SLC35E3: variants seen among roughly 807,000 people sequenced by gnomAD.
The protein encoded by SLC35E3 is bladder cancer-overexpressed gene 1 protein.
In SLC35E3, 28 loss-of-function variants were observed where a neutral mutation model predicts 30.8. The observed-to-expected ratio is 0.91, with a 90% CI of 0.67 to 1.25. The LOEUF is 1.25. Among genes scored for constraint, SLC35E3 ranks in the 50% most tolerant of loss-of-function variants. The pLI is 0.00. For synonymous variants in SLC35E3, 146 were observed against 149.2 expected (o/e 0.98, Z 0.16); for missense variants, 365 against 375.4 (o/e 0.97, Z 0.23).
At position 68,746,420 on chromosome 12, in the gene SLC35E3, G is replaced by A; in HGVS notation, c.43G>A (p.Ala15Thr). The change falls in exon 1 of 5, where the codon GCC (alanine) becomes ACC (threonine). Residue 15 changes from alanine (A) to threonine (T), a missense_variant. By Grantham distance (58) the Ala-to-Thr change is moderately conservative (BLOSUM62 0). Coordinates refer to ENST00000398004, the MANE Select transcript of SLC35E3 (RefSeq NM_018656.5). ...CCGAGTGCGGGGCCACTGGCGAATC[G>A]CCGCCGGGCTCCTGTTCAACCTGCT... Reference protein sequence around the residue: ...VDRVRGHWRIAAGLLFNLLVS... With the variant: ...VDRVRGHWRITAGLLFNLLVS... The A allele has an allele frequency of 6.2e-7, 1 of 1,610,156 alleles. No individual in the cohort carries two copies. The highest frequency in any genetic ancestry group is 8.5e-7 in the Non-Finnish European group (1 of 1,177,664).
intron 3 of SLC35E3, among the ~76,000 whole-genome samples, chr12:68,758,715 C>T (rs1348405225): frequency 6.7e-6 from 1 of 148,592 alleles, no homozygotes; most frequent in African/African-American, 2.5e-5. Context: ...GTCTCCCAAC[C>T]CCAAATTCTC....
In SLC35E3 at chr12:68,766,967, A is replaced by T. The variant is rs1879446292; in HGVS notation, c.*2077A>T. ...TCCATGGAGCTTTCTGTGGTACTGA[A>T]ACACTTGGAGTGAACTGCAAACTTG... On this transcript the variant is annotated 3_prime_UTR_variant, in exon 5 of 5. Transcript: ENST00000398004. The T allele has an allele frequency of 4.2e-6, 1 of 236,270 alleles. No homozygotes were observed. Among genetic ancestry groups the T allele is most frequent in the Non-Finnish European group, 9.0e-6 (1 of 110,860 alleles). 14.6% of individuals were successfully genotyped at this position (236,270 alleles called of 1,614,324 possible).
chr12:68,749,004 G>A (rs1268142190), intron 2 of SLC35E3, among the ~76,000 whole-genome samples: 1 of 152,196 alleles, frequency 6.6e-6, no homozygotes, highest in Non-Finnish European at 1.5e-5. Context: ...TTAAATAAAA[G>A]AAGAGGCTAG....
In SLC35E3 at chr12:68,777,457, A is replaced by G. The variant is rs1879774755; in HGVS notation, c.*12567A>G. The G allele has an allele frequency of 6.6e-6, 1 of 152,230 alleles. No homozygotes were observed. The highest frequency in any genetic ancestry group is 2.4e-5 in the African/African-American group (1 of 41,464). The allele number at this position is 152,230 out of a possible 1,614,324, so 9.4% of individuals were successfully genotyped here. A position where few individuals can be genotyped will look rare whatever the true frequency, so the allele number is the denominator to read the frequency against. On this transcript the variant is annotated 3_prime_UTR_variant, in exon 5 of 5. Transcript: ENST00000398004. ...GAAACGCAAGAGATTTTGCCAAGGA[A>G]ATGCTGACATTCCTTCTGTCCACTC...
rs1879827245 is a variant in SLC35E3 at position 68,779,418 on chromosome 12, T to C, written c.*14528T>C. On this transcript the variant is annotated 3_prime_UTR_variant, in exon 5 of 5. Coordinates refer to ENST00000398004, the MANE Select transcript of SLC35E3 (RefSeq NM_018656.5). The stretch of plus-strand genomic sequence containing the variant: ...TAGTGAGTCATTAGATTTCAAAATA[T>C]TGGTATTGAACCAGATGGTCTTGTG... 6.6e-6 allele frequency: 1 copy of C among 152,228 alleles called. No homozygotes were observed. The highest frequency in any genetic ancestry group is 1.5e-5 in the Non-Finnish European group (1 of 68,038). The allele number at this position is 152,228 out of a possible 1,614,324, so 9.4% of individuals were successfully genotyped here.
At position 68,765,310 on chromosome 12, in the gene SLC35E3, C is replaced by T. The variant is rs1879359187; in HGVS notation, c.*420C>T. On this transcript the variant is annotated 3_prime_UTR_variant, in exon 5 of 5. Coordinates refer to ENST00000398004, the MANE Select transcript of SLC35E3 (RefSeq NM_018656.5). ...TGATGGAATGATTTGTCGGAATTAA[C>T]ACAAAGCAGATTTTATTCATATAAT... is the stretch of plus-strand genomic sequence containing the variant. 1 of 151,970 alleles carries T rather than the reference C, an allele frequency of 6.6e-6. No individual in the cohort carries two copies. Among genetic ancestry groups the T allele is most frequent in the Non-Finnish European group, 1.5e-5 (1 of 68,300 alleles). 9.4% of individuals were successfully genotyped at this position (151,970 alleles called of 1,614,324 possible). A position where few individuals can be genotyped will look rare whatever the true frequency, so the allele number is the denominator to read the frequency against.
rs1168385015 is a variant in SLC35E3, at chr12:68,759,042, C to T, written c.673-115C>T. 55 of 831,532 alleles carry T rather than the reference C, an allele frequency of 6.6e-5. No homozygotes were observed. The Admixed American group carries it at 1.3e-3, about 19-fold the overall frequency. 51.5% of individuals were successfully genotyped at this position (831,532 alleles called of 1,614,324 possible). A position where few individuals can be genotyped will look rare whatever the true frequency, so the allele number is the denominator to read the frequency against. On this transcript the variant is annotated intron_variant, in intron 3 of 4. Transcript: ENST00000398004. ...CCGCGCCCGGCCCTCTCTTTCTAAT[C>T]TTATTTATTAATGGTTGATATTTGA...
chr12:68,753,273 C>T (rs1878872561), intron 3 of SLC35E3, among the ~76,000 whole-genome samples: 1 of 151,762 alleles, frequency 6.6e-6, no homozygotes, highest in East Asian at 1.9e-4. Flanking sequence ...CAGAGCAAGA[C>T]TCTGTCTCAG....
chr12:68,762,220 A>G (rs1319264129), intron 4 of SLC35E3, among the ~76,000 whole-genome samples: 1 of 152,096 alleles, frequency 6.6e-6, no homozygotes, highest in Non-Finnish European at 1.5e-5. Flanking sequence ...TGTGGTTTAA[A>G]GTGATGAGAC....
rs547097650 is a variant in SLC35E3, at chr12:68,772,740, G to A, written c.*7850G>A. 34 of 152,100 alleles carry A rather than the reference G, an allele frequency of 2.2e-4. No homozygotes were observed. Among genetic ancestry groups the A allele is most frequent in the Admixed American group, 1.8e-3 (27 of 15,268 alleles). The allele number at this position is 152,100 out of a possible 1,614,324, so 9.4% of individuals were successfully genotyped here. On this transcript the variant is annotated 3_prime_UTR_variant, in exon 5 of 5. Transcript: ENST00000398004. ...AAATATTTATTTTTTTCGGTTATCC[G>A]TAGACTTTTCCTTTTGAAATCCAAC...
chr12:68,754,080 C>T (rs1313823763), intron 3 of SLC35E3, among the ~76,000 whole-genome samples: 3 of 152,022 alleles, frequency 2.0e-5, no homozygotes, highest in African/African-American at 7.3e-5. Context: ...CTCTTGACCT[C>T]GTGACCCACC....
chr12:68,747,355 C>T (rs1226069857), intron 1 of SLC35E3, among the ~76,000 whole-genome samples: 1 of 151,968 alleles, frequency 6.6e-6, no homozygotes, highest in African/African-American at 2.4e-5. Flanking sequence ...CCGCAACCTC[C>T]GCCTCCCGGG....
At position 68,757,886 on chromosome 12, in the gene SLC35E3, G is replaced by A. The variant is rs535289964; in HGVS notation, c.673-1271G>A. 5.3e-5 allele frequency among the ~76,000 whole-genome samples: 8 copies of A among 150,874 alleles called. No individual in the cohort carries two copies. In the East Asian group the frequency reaches 6.0e-4, roughly 11 times the overall value. On this transcript the variant is annotated intron_variant, in intron 3 of 4. Coordinates refer to ENST00000398004, the MANE Select transcript of SLC35E3 (RefSeq NM_018656.5). Reference sequence around the variant, plus strand: ...GCAGATCACCTGAGGTCAGGAGTTCGAGACCAGCCTGGCCAACATGGTGAA... The same window carrying A: ...GCAGATCACCTGAGGTCAGGAGTTCAAGACCAGCCTGGCCAACATGGTGAA...
At chr12:68,751,216 A>G (rs1388968034) in intron 2 of SLC35E3, among the ~76,000 whole-genome samples, 1 of 151,430 alleles carries the variant, frequency 6.6e-6, no homozygotes, top group African/African-American at 2.4e-5. Context: ...GAGACCACAT[A>G]CCTTTTCAAG....
rs925562763 is a variant in SLC35E3, at chr12:68,765,009, C to G, written c.*119C>G. 17 of 945,266 alleles carry G rather than the reference C, an allele frequency of 1.8e-5. No homozygotes were observed. Among genetic ancestry groups the G allele is most frequent in the Non-Finnish European group, 2.4e-5 (16 of 653,840 alleles). The allele number at this position is 945,266 out of a possible 1,614,324, so 58.6% of individuals were successfully genotyped here. On this transcript the variant is annotated 3_prime_UTR_variant, in exon 5 of 5. Coordinates refer to ENST00000398004, the MANE Select transcript of SLC35E3 (RefSeq NM_018656.5). ...CGGTGGCTCACGCCTGTAATCCCAG[C>G]ACTTTGGGAGGCCAAGGCCAGCGGA...
Position 68,768,792 on chromosome 12 carries a change from G to A in SLC35E3, c.*3902G>A, listed in dbSNP as rs556559949. 3 of 152,304 alleles carry A rather than the reference G, an allele frequency of 2.0e-5. No individual in the cohort carries two copies. The highest frequency in any genetic ancestry group is 7.2e-5 in the African/African-American group (3 of 41,572). The allele number at this position is 152,304 out of a possible 1,614,324, so 9.4% of individuals were successfully genotyped here. ...TTGGCCTGTCCAAATAAGCAGAAAT[G>A]AATGAAACAAAATTCCATCTCCTTT... On this transcript the variant is annotated 3_prime_UTR_variant, in exon 5 of 5. Coordinates refer to ENST00000398004, the MANE Select transcript of SLC35E3 (RefSeq NM_018656.5).
Position 68,769,421 on chromosome 12 carries a change from C to G in SLC35E3, c.*4531C>G, listed in dbSNP as rs1005587668. Reference sequence around the variant, plus strand: ...CCTGTAATCCCAACACTTTGGGAGGCTGAGGTGGGTGGATCACCTGAGGTC... The same window carrying G: ...CCTGTAATCCCAACACTTTGGGAGGGTGAGGTGGGTGGATCACCTGAGGTC... On this transcript the variant is annotated 3_prime_UTR_variant, in exon 5 of 5. Coordinates refer to ENST00000398004, the MANE Select transcript of SLC35E3 (RefSeq NM_018656.5). 2.6e-5 allele frequency: 4 copies of G among 152,048 alleles called. No homozygotes were observed. Among genetic ancestry groups the G allele is most frequent in the African/African-American group, 9.7e-5 (4 of 41,376 alleles). 9.4% of individuals were successfully genotyped at this position (152,048 alleles called of 1,614,324 possible).
rs775163453 is a variant in SLC35E3, at chr12:68,746,551, G to A, written c.174G>A (p.Leu58=). ...ACTTCGTGGTCACCTGGCTGGGCTTGTATATCTGCCAGAAGCTGGACATCT... is the reference window on the plus strand; with the variant it reads ...ACTTCGTGGTCACCTGGCTGGGCTTATATATCTGCCAGAAGCTGGACATCT... The part of the protein sequence containing the change: ...LVHFVVTWLG[L]YICQKLDIFA... The change falls in exon 1 of 5, where the codon TTG becomes TTA. Residue 58 remains leucine (L), a synonymous_variant. Coordinates refer to ENST00000398004, the MANE Select transcript of SLC35E3 (RefSeq NM_018656.5). The A allele has an allele frequency of 1.9e-6, 3 of 1,614,244 alleles. No individual in the cohort carries two copies. Among genetic ancestry groups the A allele is most frequent in the South Asian group, 2.2e-5 (2 of 91,090 alleles).
At chr12:68,761,068 C>T (rs947774880) in intron 4 of SLC35E3, among the ~76,000 whole-genome samples, 3 of 151,784 alleles carry the variant, frequency 2.0e-5, no homozygotes, top group Non-Finnish European at 4.4e-5. Flanking sequence ...GGTGCGAGGC[C>T]GTAAAAAAAC....
Sources: allele counts gnomAD v4.1 joint callset (sites outside exome capture counted in the v4.1 genomes callset), GRCh38; gene constraint gnomAD v4.1.1; transcripts MANE v1.5; gene names NCBI Gene and HGNC (gene_info 2026-07-23, HGNC 2026-07-21).